The following CRADD variants were observed in gnomAD, a reference collection of about 807,000 sequenced individuals.
CRADD encodes the protein death domain-containing protein CRADD.
Under a neutral mutation model 15.5 loss-of-function variants are expected in CRADD, and 9 were observed. The observed-to-expected ratio is 0.58, with a 90% CI of 0.35 to 1.01. CRADD has a LOEUF of 1.01. Ranked by LOEUF, CRADD falls within the 50% of genes least tolerant of loss-of-function variation. The pLI, the probability that CRADD is intolerant of heterozygous loss-of-function variation, is 0.02. For missense variants in CRADD, 227 were observed against 250.3 expected, an observed-to-expected ratio of 0.91 and a Z score of 0.63; for synonymous variants, 118 against 107.6, an observed-to-expected ratio of 1.10 and a Z score of -0.60.
At chr12:93,847,104 GA>G (rs1466727941) in intron 2 of CRADD, among the ~76,000 whole-genome samples, 3 of 151,946 alleles carry the variant, frequency 2.0e-5, no homozygotes. Flanking sequence ...CTCCGTCTCA[GA>G]AAAAAAGAAG....
chr12:93,680,582 C>T (rs1955261696), intron 2 of CRADD, among the ~76,000 whole-genome samples: 2 of 152,230 alleles, frequency 1.3e-5, no homozygotes, highest in South Asian at 4.1e-4. Flanking sequence ...TTGAGGACCA[C>T]TGGAATTCAC....
intron 2 of CRADD, among the ~76,000 whole-genome samples, chr12:93,694,534 C>T (rs1955654005): frequency 6.6e-6 from 1 of 151,972 alleles, no homozygotes; most frequent in African/African-American, 2.4e-5. Flanking sequence ...TTAAATTATC[C>T]CTGTTTGCAG....
intron 2 of CRADD, among the ~76,000 whole-genome samples, chr12:93,680,625 C>T (rs1317094138): frequency 6.6e-6 from 1 of 152,144 alleles, no homozygotes. Context: ...TTAAATACTC[C>T]ACATGTCTGA....
At chr12:93,736,429 A>G (rs936646806) in intron 2 of CRADD, among the ~76,000 whole-genome samples, 18 of 152,168 alleles carry the variant, frequency 1.2e-4, no homozygotes, top group Non-Finnish European at 2.4e-4. Context: ...TGTTTTTCCC[A>G]TCTCTACTTA....
chr12:93,836,676 G>C (rs1234417190), intron 2 of CRADD, among the ~76,000 whole-genome samples: 1 of 152,218 alleles, frequency 6.6e-6, no homozygotes, highest in Non-Finnish European at 1.5e-5. Flanking sequence ...TAATACTGTA[G>C]CTATAGAGAA....
intron 2 of CRADD, among the ~76,000 whole-genome samples, chr12:93,829,142 A>G (rs779735713): frequency 1.0e-4 from 15 of 147,474 alleles, no homozygotes; most frequent in South Asian, 4.2e-4. Context: ...TTTTTTTTCA[A>G]TGTCATTCCA....
intron 2 of CRADD, chr12:93,738,099 G>C: frequency 1.7e-6 from 1 of 571,560 alleles, no homozygotes; most frequent in East Asian, 2.9e-5. Flanking sequence ...ATTGAGCTAG[G>C]AGGATCACAT....
intron 2 of CRADD, among the ~76,000 whole-genome samples, chr12:93,825,282 T>A (rs1336383885): frequency 1.3e-5 from 2 of 152,166 alleles, no homozygotes; most frequent in East Asian, 3.9e-4. Flanking sequence ...ACATAGAGAA[T>A]CATCTAGAAG....
In CRADD at chr12:93,887,812, C is replaced by T. The variant is rs536366914; in HGVS notation, c.299-6238C>T. On this transcript the variant is annotated intron_variant, in intron 2 of 2. Coordinates refer to the CRADD transcript ENST00000548483. ...GGATACAAATGAAAACAGAATTACA[C>T]GTTAACGTTTATGGAGTTCATAGCT... is the stretch of plus-strand genomic sequence containing the variant. 1.7e-4 allele frequency among the ~76,000 whole-genome samples: 26 copies of T among 152,328 alleles called. 1 individual carries two copies. Among genetic ancestry groups the T allele is most frequent in the Middle Eastern group, 6.8e-3 (2 of 294 alleles).
At chr12:93,849,751 A>G (rs564114206) in intron 2 of CRADD, among the ~76,000 whole-genome samples, 12 of 152,126 alleles carry the variant, frequency 7.9e-5, no homozygotes, top group African/African-American at 2.9e-4. Flanking sequence ...AAAAAAAAAA[A>G]AAAAAAAAGT....
intron 2 of CRADD, among the ~76,000 whole-genome samples, chr12:93,794,259 T>C (rs996925103): frequency 6.6e-6 from 1 of 152,166 alleles, no homozygotes. Context: ...TTGGGTCCCA[T>C]TGCTTTAAAT....
intron 2 of CRADD, among the ~76,000 whole-genome samples, chr12:93,724,792 C>T (rs1956324504): frequency 6.6e-6 from 1 of 151,974 alleles, no homozygotes; most frequent in Non-Finnish European, 1.5e-5. Flanking sequence ...TATTTTGCTA[C>T]AAAGGAATTT....
chr12:93,886,477 C>T (rs1565948970), intron 2 of CRADD, among the ~76,000 whole-genome samples: 1 of 152,136 alleles, frequency 6.6e-6, no homozygotes. Context: ...TTGCTTCTTA[C>T]ATTTCACTGC....
intron 2 of CRADD, among the ~76,000 whole-genome samples, chr12:93,844,578 G>T (rs1299080945): frequency 6.6e-6 from 1 of 152,132 alleles, no homozygotes; most frequent in Admixed American, 6.6e-5. Context: ...AAGTGTGGAA[G>T]AATCAGAGCA....
intron 2 of CRADD, among the ~76,000 whole-genome samples, chr12:93,814,261 C>T (rs1593012367): frequency 6.6e-6 from 1 of 152,060 alleles, no homozygotes; most frequent in South Asian, 2.1e-4. Flanking sequence ...CAAGGCAAAG[C>T]GAATCCTCCA....
intron 2 of CRADD, among the ~76,000 whole-genome samples, chr12:93,868,119 A>T (rs1442331623): frequency 6.6e-6 from 1 of 152,200 alleles, no homozygotes; most frequent in African/African-American, 2.4e-5. Context: ...AAAATTATAA[A>T]TGTGGATTTA....
intron 2 of CRADD, among the ~76,000 whole-genome samples, chr12:93,742,233 G>C (rs7953280): frequency 0.59 from 90,282 of 152,110 alleles, 28,171 homozygotes; most frequent in East Asian, 0.86. Flanking sequence ...AGAAGGCTTT[G>C]AGGCATCTGC....
intron 2 of CRADD, among the ~76,000 whole-genome samples, chr12:93,742,553 G>A (rs1229718364): frequency 1.3e-5 from 2 of 152,048 alleles, no homozygotes; most frequent in African/African-American, 4.8e-5. Context: ...TGGCTCAAGT[G>A]AAAGGTAAAT....
intron 2 of CRADD, among the ~76,000 whole-genome samples, chr12:93,716,955 C>G (rs1333852257): frequency 2.0e-5 from 3 of 152,220 alleles, no homozygotes; most frequent in Non-Finnish European, 2.9e-5. Flanking sequence ...AATTACCAAA[C>G]TGTCTTCCAA....
Sources: gnomAD v4.1 joint callset for allele counts (sites outside exome capture counted in the v4.1 genomes callset) on GRCh38, gnomAD v4.1.1 for gene constraint, MANE v1.5 for transcripts, NCBI Gene and HGNC (gene_info 2026-07-23, HGNC 2026-07-21) for gene names.